MYT1L: variants seen among roughly 807,000 people sequenced by gnomAD.
MYT1L encodes myelin transcription factor 1 like, also known as myelin transcription factor 1-like protein.
Under a neutral mutation model 126.7 loss-of-function variants are expected in MYT1L, and 12 were observed. The observed-to-expected ratio is 0.09, with a 90% CI of 0.06 to 0.15. MYT1L has a LOEUF of 0.15. MYT1L is among the 10% of genes least tolerant of loss of function. The pLI is 1.00. For synonymous variants in MYT1L, 541 were observed against 604.2 expected (o/e 0.90, Z 1.53); for missense variants, 979 against 1,585.2 (o/e 0.62, Z 6.49).
intron 4 of MYT1L, among the ~76,000 whole-genome samples, chr2:2,027,541 C>G (rs1270685698): frequency 6.6e-6 from 1 of 152,132 alleles, no homozygotes; most frequent in Non-Finnish European, 1.5e-5. Context: ...CAAGATTACA[C>G]AACAAAATTA....
rs2054599280 is a variant in MYT1L, at chr2:1,929,049, G to A, written c.506-5786C>T. Among the ~76,000 whole-genome samples the A allele has an allele frequency of 6.6e-6, 1 of 152,028 alleles. No homozygotes were observed. Among genetic ancestry groups the A allele is most frequent in the Admixed American group, 6.6e-5 (1 of 15,264 alleles). ...GGCAGTGGTCGCATGTTTATGTGGA[G>A]CCCCTGGCTACTCCCCTGGCCAGGA... On this transcript the variant is annotated intron_variant, in intron 9 of 24. Transcript: ENST00000647738. The surrounding 1 kb of genome is among the most constrained non-coding windows in gnomAD (Gnocchi z 4.7).
At chr2:1,868,714 CA>C (rs1008236798) in intron 18 of MYT1L, among the ~76,000 whole-genome samples, 43 of 152,314 alleles carry the variant, frequency 2.8e-4, no homozygotes, top group African/African-American at 9.4e-4. Flanking sequence ...GGCTGAGAGG[CA>C]GGGGGGATGC....
chr2:2,171,045 G>A (rs2089983131), intron 3 of MYT1L, among the ~76,000 whole-genome samples: 1 of 152,176 alleles, frequency 6.6e-6, no homozygotes, highest in African/African-American at 2.4e-5. Flanking sequence ...ACACCCAGAA[G>A]GGTCTGCTCA....
intron 14 of MYT1L, among the ~76,000 whole-genome samples, chr2:1,900,930 T>C (rs2050260415): frequency 1.3e-5 from 2 of 152,244 alleles, no homozygotes; most frequent in African/African-American, 2.4e-5. Flanking sequence ...TGCCAGTAAC[T>C]AACATGTGAT....
intron 2 of MYT1L, among the ~76,000 whole-genome samples, chr2:2,189,555 C>A (rs1031804406): frequency 6.6e-6 from 1 of 152,134 alleles, no homozygotes; most frequent in Non-Finnish European, 1.5e-5. Flanking sequence ...TATATAATCA[C>A]TTATATTAAC....
intron 2 of MYT1L, among the ~76,000 whole-genome samples, chr2:2,200,018 GCTGTGCCCTCATACA>G (rs2092991384): frequency 6.6e-6 from 1 of 152,142 alleles, no homozygotes; most frequent in Non-Finnish European, 1.5e-5. Flanking sequence ...GCCTCGTTAG[GCTGTGCCCTCATACA>G]CACGCTGGGC....
intron 1 of MYT1L, among the ~76,000 whole-genome samples, chr2:2,312,859 G>T (rs551249789): frequency 1.3e-5 from 2 of 152,000 alleles, no homozygotes; most frequent in South Asian, 4.1e-4. Context: ...GGAAGAAAGG[G>T]GGGTTCTGGC....
At chr2:2,177,163 G>C (rs1335945670) in intron 2 of MYT1L, among the ~76,000 whole-genome samples, 1 of 152,224 alleles carries the variant, frequency 6.6e-6, no homozygotes, top group African/African-American at 2.4e-5. Context: ...GATGTAAATG[G>C]AACAACCTTG....
In MYT1L at chr2:1,811,933, C is replaced by T. The variant is rs541993608; in HGVS notation, c.3081-2766G>A. On this transcript the variant is annotated intron_variant, in intron 21 of 24. Transcript: ENST00000647738. The surrounding 1 kb of genome is among the most constrained non-coding windows in gnomAD (Gnocchi z 4.4). The stretch of plus-strand genomic sequence containing the variant: ...GACACTTCTGCTTCCCTAGCTTATC[C>T]GTAAATCTGCTTCTGAAGGCGAGCT... Among the ~76,000 whole-genome samples, 3 of 152,234 alleles carry T rather than the reference C, an allele frequency of 2.0e-5. No individual in the cohort carries two copies. Among genetic ancestry groups the T allele is most frequent in the East Asian group, 3.9e-4 (2 of 5,172 alleles).
At chr2:1,958,861 G>A (rs370974893) in intron 8 of MYT1L, among the ~76,000 whole-genome samples, 1 of 151,908 alleles carries the variant, frequency 6.6e-6, no homozygotes, top group East Asian at 1.9e-4. Context: ...ATGAGAGGTG[G>A]GGGCTCAGCC....
intron 3 of MYT1L, among the ~76,000 whole-genome samples, chr2:2,114,224 T>C (rs903837780): frequency 1.3e-5 from 2 of 152,342 alleles, no homozygotes; most frequent in South Asian, 2.1e-4. Context: ...TTTCCTGGTA[T>C]AGACTAGAAA....
chr2:1,889,666 C>T lies in MYT1L; in HGVS notation c.2284-189G>A, dbSNP rs150195448. On this transcript the variant is annotated intron_variant, in intron 15 of 24. Coordinates refer to ENST00000647738, the MANE Select transcript of MYT1L (RefSeq NM_001303052.2). This position sits in a 1 kb window ranked among gnomAD's most constrained non-coding sequence, Gnocchi z 4.1. ...CTGGTGGTACATTCCTGCTATCCCACGCTTAGCTGCAAAATTGGTTGGAGA... is the reference window on the plus strand; with the variant it reads ...CTGGTGGTACATTCCTGCTATCCCATGCTTAGCTGCAAAATTGGTTGGAGA... Among the ~76,000 whole-genome samples, 204 of 152,278 alleles carry T rather than the reference C, an allele frequency of 1.3e-3. No homozygotes were observed. The highest frequency in any genetic ancestry group is 4.7e-3 in the African/African-American group (197 of 41,552).
intron 9 of MYT1L, among the ~76,000 whole-genome samples, chr2:1,935,905 T>C (rs1225473932): frequency 6.6e-6 from 1 of 152,258 alleles, no homozygotes; most frequent in East Asian, 1.9e-4. Context: ...CAGGACTTTA[T>C]GCATCCACCT....
chr2:1,837,233 C>G (rs1180650088), intron 21 of MYT1L, among the ~76,000 whole-genome samples: 1 of 152,176 alleles, frequency 6.6e-6, no homozygotes, highest in East Asian at 1.9e-4. Context: ...ATCAAAGGGG[C>G]AAACTCTCAG....
At chr2:1,817,937 G>A (rs111414761) in intron 21 of MYT1L, among the ~76,000 whole-genome samples, 14,915 of 152,270 alleles carry the variant, frequency 0.098, 1,339 homozygotes, top group African/African-American at 0.23. Context: ...AGTGCGGGGA[G>A]GTTCCGGGCA....
At chr2:2,096,456 T>C (rs2077480246) in intron 3 of MYT1L, among the ~76,000 whole-genome samples, 1 of 152,186 alleles carries the variant, frequency 6.6e-6, no homozygotes, top group African/African-American at 2.4e-5. Context: ...GTTGTTCAGG[T>C]TCCTAGACAT....
At chr2:2,175,690 T>C (rs908231322) in intron 2 of MYT1L, among the ~76,000 whole-genome samples, 1 of 150,626 alleles carries the variant, frequency 6.6e-6, no homozygotes, top group Non-Finnish European at 1.5e-5. Flanking sequence ...CCTGGACCCT[T>C]GCCTCGATAC....
In MYT1L at chr2:1,917,192, G is replaced by A; in HGVS notation, c.1618+13C>T. 6.2e-7 allele frequency: 1 copy of A among 1,611,522 alleles called. No homozygotes were observed. The highest frequency in any genetic ancestry group is 8.5e-7 in the Non-Finnish European group (1 of 1,178,194). On this transcript the variant is annotated intron_variant, in intron 11 of 24. Transcript: ENST00000647738. The surrounding 1 kb of genome is among the most constrained non-coding windows in gnomAD (Gnocchi z 5.9). ...TTTGCACCCCCAAGGGTAGCGGTGA[G>A]ACGTGGACTTACTTTCTGGAGGGAC...
At chr2:2,115,074 C>T (rs1364751495) in intron 3 of MYT1L, among the ~76,000 whole-genome samples, 4 of 152,214 alleles carry the variant, frequency 2.6e-5, no homozygotes, top group Admixed American at 6.5e-5. Flanking sequence ...CATGCAGCCA[C>T]GGTGCTTCCT....
Sources: allele counts gnomAD v4.1 joint callset (sites outside exome capture counted in the v4.1 genomes callset), GRCh38; gene constraint gnomAD v4.1.1; non-coding constraint Gnocchi (gnomAD v3.1); transcripts MANE v1.5; gene names NCBI Gene and HGNC (gene_info 2026-07-23, HGNC 2026-07-21).